Variants in ZHX3 observed in about 807,000 individuals in gnomAD.
ZHX3 encodes the protein zinc fingers and homeoboxes protein 3.
Under a neutral mutation model 64.5 loss-of-function variants are expected in ZHX3, and 20 were observed. The ratio of observed to expected loss-of-function variants is 0.31; its 90% CI spans 0.22 to 0.45. The LOEUF is 0.45. ZHX3 is among the 20% of genes least tolerant of loss of function. The probability of loss-of-function intolerance (pLI) is 1.00; values close to 1 mark genes in which losing one functional copy is unlikely to be tolerated. For synonymous variants in ZHX3, 423 were observed against 461.6 expected (o/e 0.92, Z 1.07); for missense variants, 1,041 against 1,195.8 (o/e 0.87, Z 1.91).
chr20:41,255,402 CA>C, intron 2 of ZHX3, among the ~76,000 whole-genome samples: 1 of 152,290 alleles, frequency 6.6e-6, no homozygotes, highest in East Asian at 1.9e-4. Flanking sequence ...CCACCTGCCT[CA>C]GCCTCCCAAA....
chr20:41,260,959 G>T (rs1022424006), intron 2 of ZHX3, among the ~76,000 whole-genome samples: 2 of 152,206 alleles, frequency 1.3e-5, no homozygotes, highest in African/African-American at 4.8e-5. Context: ...GAATGCACAG[G>T]CAAATTGTCA....
chr20:41,251,651 T>C (rs867886411), intron 2 of ZHX3, among the ~76,000 whole-genome samples: 8 of 152,274 alleles, frequency 5.3e-5, no homozygotes, highest in Middle Eastern at 3.4e-3. Flanking sequence ...AACCCAACTA[T>C]ATGCTGTTCA....
chr20:41,311,418 AAC>A (rs2146840638), intron 1 of ZHX3, among the ~76,000 whole-genome samples: 1 of 152,378 alleles, frequency 6.6e-6, no homozygotes, highest in South Asian at 2.1e-4. Flanking sequence ...GTAAAATTAG[AAC>A]ACAGAGCCTG....
At position 41,195,378 on chromosome 20, in the gene ZHX3, A is replaced by C. The variant is rs1352161942; in HGVS notation, c.2860+6679T>G. ...TGATCCTCCTGCCTTGGCCTCCCAA[A>C]GCACTGGGATTATAGATGCAAGCCA... On this transcript the variant is annotated intron_variant, in intron 3 of 3. Transcript: ENST00000683867. The surrounding 1 kb of genome is among the most constrained non-coding windows in gnomAD (Gnocchi z 4.2). 6.6e-6 allele frequency among the ~76,000 whole-genome samples: 1 copy of C among 152,130 alleles called. No individual in the cohort carries two copies. The highest frequency in any genetic ancestry group is 1.5e-5 in the Non-Finnish European group (1 of 68,032).
intron 1 of ZHX3, among the ~76,000 whole-genome samples, chr20:41,292,743 G>A (rs2044313773): frequency 6.6e-6 from 1 of 152,198 alleles, no homozygotes; most frequent in African/African-American, 2.4e-5. Context: ...CAGTAACACT[G>A]TACTTTCTAG....
At chr20:41,187,429 G>A (rs1260816498) in intron 3 of ZHX3, among the ~76,000 whole-genome samples, 1 of 147,292 alleles carries the variant, frequency 6.8e-6, no homozygotes, top group Non-Finnish European at 1.5e-5. Flanking sequence ...TTAGTTCTTT[G>A]ATCTATTTTA....
intron 2 of ZHX3, among the ~76,000 whole-genome samples, chr20:41,211,474 C>T (rs2039153851): frequency 1.3e-5 from 2 of 152,062 alleles, no homozygotes; most frequent in Non-Finnish European, 2.9e-5. Context: ...CTGGCATGCA[C>T]ACTTTTTTAC....
intron 2 of ZHX3, among the ~76,000 whole-genome samples, chr20:41,253,373 T>C (rs1435682794): frequency 6.6e-6 from 1 of 152,220 alleles, no homozygotes; most frequent in East Asian, 1.9e-4. Context: ...GACTGAATAA[T>C]GTATCACTTA....
chr20:41,246,665 G>A (rs2041704511), intron 2 of ZHX3, among the ~76,000 whole-genome samples: 1 of 152,072 alleles, frequency 6.6e-6, no homozygotes, highest in Admixed American at 6.5e-5. Context: ...TTGAGGTCAG[G>A]AGTTTAAGAC....
chr20:41,256,898 T>C (rs1432365818), intron 2 of ZHX3, among the ~76,000 whole-genome samples: 4 of 151,976 alleles, frequency 2.6e-5, no homozygotes, highest in African/African-American at 7.2e-5. Flanking sequence ...ATAGTGTACA[T>C]TGTACCCAAT....
chr20:41,287,669 G>T (rs1039788152), intron 1 of ZHX3, among the ~76,000 whole-genome samples: 4 of 152,116 alleles, frequency 2.6e-5, no homozygotes, highest in Non-Finnish European at 5.9e-5. Flanking sequence ...AGAGACTGAG[G>T]CCTAGCAACA....
intron 1 of ZHX3, among the ~76,000 whole-genome samples, chr20:41,294,364 T>C (rs1418652371): frequency 6.6e-6 from 1 of 152,154 alleles, no homozygotes; most frequent in African/African-American, 2.4e-5. Context: ...TAATAGTTTG[T>C]TGTTGTTGCT....
intron 3 of ZHX3, among the ~76,000 whole-genome samples, chr20:41,192,141 C>T (rs2037075915): frequency 6.6e-6 from 1 of 152,172 alleles, no homozygotes; most frequent in South Asian, 2.1e-4. Flanking sequence ...GTGGCTGCAA[C>T]AGGCTGGGCG....
intron 2 of ZHX3, among the ~76,000 whole-genome samples, chr20:41,267,312 G>T (rs563648396): frequency 1.3e-5 from 2 of 152,044 alleles, no homozygotes; most frequent in East Asian, 3.8e-4. Context: ...TTTAAGCCCC[G>T]CTGTTTAGCA....
intron 2 of ZHX3, among the ~76,000 whole-genome samples, chr20:41,221,329 G>T (rs2039931637): frequency 1.3e-5 from 2 of 152,250 alleles, no homozygotes; most frequent in Admixed American, 6.5e-5. Flanking sequence ...GAAAAATATG[G>T]ATCAATGCTC....
intron 3 of ZHX3, among the ~76,000 whole-genome samples, chr20:41,188,858 G>C (rs971204809): frequency 1.3e-5 from 2 of 152,082 alleles, no homozygotes; most frequent in Non-Finnish European, 2.9e-5. Flanking sequence ...TTTTAATATA[G>C]TTCCCTTTGT....
intron 1 of ZHX3, among the ~76,000 whole-genome samples, chr20:41,305,524 C>T (rs2044949731): frequency 6.6e-6 from 1 of 151,626 alleles, no homozygotes; most frequent in African/African-American, 2.4e-5. Context: ...GTGGCTCACG[C>T]CTGTAATCTC....
At chr20:41,269,443 T>C (rs1449689528) in intron 1 of ZHX3, 1 of 152,208 alleles carries the variant, frequency 6.6e-6, no homozygotes, top group Non-Finnish European at 1.5e-5. Context: ...AAGGATGTGC[T>C]ATTTTCTGAT....
intron 1 of ZHX3, among the ~76,000 whole-genome samples, chr20:41,279,927 G>C (rs2043588950): frequency 6.6e-6 from 1 of 152,212 alleles, no homozygotes. Flanking sequence ...AGGACTGTCA[G>C]GAGAATAATT....
Sources: gnomAD v4.1 joint callset for allele counts (sites outside exome capture counted in the v4.1 genomes callset) on GRCh38, gnomAD v4.1.1 for gene constraint, Gnocchi (gnomAD v3.1) non-coding constraint, MANE v1.5 for transcripts, NCBI Gene and HGNC (gene_info 2026-07-23, HGNC 2026-07-21) for gene names.